NR6A1: variants seen among roughly 807,000 people sequenced by gnomAD.
NR6A1 encodes retinoic acid receptor-related testis-associated receptor.
A neutral mutation model predicts 59.1 loss-of-function variants in NR6A1; 7 were observed. The ratio of observed to expected loss-of-function variants is 0.12; its 90% CI spans 0.07 to 0.22. The LOEUF (loss-of-function observed/expected upper bound fraction) is 0.22, where lower values mean the gene tolerates loss of function less well. Ranked by LOEUF, NR6A1 falls within the 10% of genes least tolerant of loss-of-function variation. The pLI, the probability that NR6A1 is intolerant of heterozygous loss-of-function variation, is 1.00. For missense variants in NR6A1, 468 were observed against 611.6 expected (o/e 0.77, Z 2.48); for synonymous variants, 243 against 236.1 (o/e 1.03, Z -0.27).
chr9:124,610,522 T>C (rs1588707737), intron 2 of NR6A1, among the ~76,000 whole-genome samples: 1 of 152,248 alleles, frequency 6.6e-6, no homozygotes, highest in Non-Finnish European at 1.5e-5. Flanking sequence ...TTGAGGATTT[T>C]TGCATTGATG....
At chr9:124,554,697 C>A in intron 2 of NR6A1, 127 bp from the exon 3 acceptor site, 1 of 1,184,728 alleles carries the variant, frequency 8.4e-7, no homozygotes. Context: ...AAACAGGGGG[C>A]CCATCTTCGG....
chr9:124,659,240 A>AGGC (rs1222567490), intron 2 of NR6A1, among the ~76,000 whole-genome samples: 1 of 139,704 alleles, frequency 7.2e-6, no homozygotes, highest in Non-Finnish European at 1.5e-5. Context: ...GCCGTTCGAT[A>AGGC]GGCCAGCAGT....
At chr9:124,674,420 G>A (rs757544296) in intron 2 of NR6A1, among the ~76,000 whole-genome samples, 17 of 152,106 alleles carry the variant, frequency 1.1e-4, no homozygotes, top group South Asian at 4.2e-4. Context: ...ATACCTGTGT[G>A]ATCTTGGGCA....
intron 1 of NR6A1, among the ~76,000 whole-genome samples, chr9:124,765,147 A>G (rs1428624490): frequency 2.6e-5 from 4 of 152,216 alleles, no homozygotes; most frequent in South Asian, 2.1e-4. Context: ...TTTATTTAGT[A>G]TAAGACGTAA....
intron 2 of NR6A1, among the ~76,000 whole-genome samples, chr9:124,724,533 C>CAA (rs1839656996): frequency 6.8e-6 from 1 of 147,490 alleles, no homozygotes. Flanking sequence ...ATAGCACATA[C>CAA]CAAAAAAAAA....
chr9:124,724,466 T>G (rs780390893), intron 2 of NR6A1, among the ~76,000 whole-genome samples: 4 of 150,708 alleles, frequency 2.7e-5, no homozygotes, highest in Non-Finnish European at 4.4e-5. Context: ...GCTTCTAATA[T>G]GTCTAACTTC....
chr9:124,546,325 T>C (rs1464444440), intron 3 of NR6A1, among the ~76,000 whole-genome samples: 1 of 152,204 alleles, frequency 6.6e-6, no homozygotes, highest in East Asian at 1.9e-4. Flanking sequence ...AGAATCAGGG[T>C]TGGAACCCAC....
intron 2 of NR6A1, among the ~76,000 whole-genome samples, chr9:124,707,240 C>A (rs905838703): frequency 6.6e-5 from 10 of 152,112 alleles, no homozygotes; most frequent in African/African-American, 1.9e-4. Context: ...CATCTATCTA[C>A]AAGTTCACCA....
intron 2 of NR6A1, among the ~76,000 whole-genome samples, chr9:124,631,242 G>A (rs146647239): frequency 6.6e-6 from 1 of 152,080 alleles, no homozygotes; most frequent in Admixed American, 6.6e-5. Context: ...AAGTAGTGAA[G>A]ATTTATTTAT....
intron 2 of NR6A1, among the ~76,000 whole-genome samples, chr9:124,705,130 A>G (rs1259455133): frequency 6.6e-6 from 1 of 152,212 alleles, no homozygotes; most frequent in East Asian, 1.9e-4. Context: ...GAGATACCAG[A>G]TTTGTTATGA....
chr9:124,646,296 T>G (rs1836926143), intron 2 of NR6A1, among the ~76,000 whole-genome samples: 1 of 151,632 alleles, frequency 6.6e-6, no homozygotes, highest in African/African-American at 2.4e-5. Context: ...TAAAGAAAAT[T>G]AACAAAACCA....
intron 2 of NR6A1, among the ~76,000 whole-genome samples, chr9:124,717,008 G>A (rs548894490): frequency 3.9e-5 from 6 of 152,236 alleles, no homozygotes; most frequent in East Asian, 1.9e-4. Flanking sequence ...ACATGAAAAC[G>A]TGACCAATAT....
At chr9:124,706,244 A>G (rs916337783) in intron 2 of NR6A1, among the ~76,000 whole-genome samples, 1 of 152,208 alleles carries the variant, frequency 6.6e-6, no homozygotes, top group Non-Finnish European at 1.5e-5. Flanking sequence ...TATATGTTAT[A>G]ACTTAGTAAT....
intron 2 of NR6A1, among the ~76,000 whole-genome samples, chr9:124,565,489 A>G (rs1834213649): frequency 6.6e-6 from 1 of 152,220 alleles, no homozygotes; most frequent in Non-Finnish European, 1.5e-5. Context: ...CACTAACCAT[A>G]GAAGAAAACA....
rs193298839 is a variant in NR6A1, at chr9:124,735,747, T to A, written c.101-2398A>T. ...ACTGCTATAATAAAATATCATAAAG[T>A]AAGTCTCACAGTTCTGGAGCCGTGA... is the stretch of plus-strand genomic sequence containing the variant. On this transcript the variant is annotated intron_variant, in intron 1 of 9. Coordinates refer to ENST00000487099, the MANE Select transcript of NR6A1 (RefSeq NM_033334.4). 3.1e-3 allele frequency among the ~76,000 whole-genome samples: 479 copies of A among 152,306 alleles called. 4 individuals are homozygous for A. Among genetic ancestry groups the A allele is most frequent in the South Asian group, 0.015 (71 of 4,824 alleles).
chr9:124,745,711 G>A (rs941920879), intron 1 of NR6A1, among the ~76,000 whole-genome samples: 6 of 146,550 alleles, frequency 4.1e-5, no homozygotes, highest in African/African-American at 1.3e-4. Context: ...GGCCGGGTGC[G>A]GTGGCTCACA....
At chr9:124,699,543 T>A (rs889133933) in intron 2 of NR6A1, among the ~76,000 whole-genome samples, 12 of 152,206 alleles carry the variant, frequency 7.9e-5, no homozygotes, top group African/African-American at 2.9e-4. Flanking sequence ...TGGGGCCCCA[T>A]CTGATCAATG....
At chr9:124,760,464 AT>A (rs1246884115) in intron 1 of NR6A1, among the ~76,000 whole-genome samples, 1 of 152,200 alleles carries the variant, frequency 6.6e-6, no homozygotes, top group African/African-American at 2.4e-5. Context: ...AATGCCCCAG[AT>A]TCTCAGGTTT....
intron 2 of NR6A1, among the ~76,000 whole-genome samples, chr9:124,601,780 T>C (rs959752957): frequency 4.0e-5 from 6 of 151,314 alleles, no homozygotes; most frequent in South Asian, 2.1e-4. Context: ...TTTGGAAACA[T>C]AGGGAGACCC....
Sources: gnomAD v4.1 joint callset for allele counts (sites outside exome capture counted in the v4.1 genomes callset) on GRCh38, gnomAD v4.1.1 for gene constraint, MANE v1.5 for transcripts, NCBI Gene and HGNC (gene_info 2026-07-23, HGNC 2026-07-21) for gene names.